Variants in SPCS3 observed in about 807,000 individuals in gnomAD.
The protein encoded by SPCS3 is SPase 22 kDa subunit.
Under a neutral mutation model 17.2 loss-of-function variants are expected in SPCS3, and 9 were observed. The ratio of observed to expected loss-of-function variants is 0.52; its 90% CI spans 0.31 to 0.91. The LOEUF (loss-of-function observed/expected upper bound fraction) is 0.91, where lower values mean the gene tolerates loss of function less well. SPCS3 is among the 40% of genes least tolerant of loss of function. SPCS3 has a pLI of 0.04. For missense variants in SPCS3, 139 were observed against 217.5 expected, an observed-to-expected ratio of 0.64 and a Z score of 2.27; for synonymous variants, 87 against 89.6, an observed-to-expected ratio of 0.97 and a Z score of 0.16.
intron 3 of SPCS3, among the ~76,000 whole-genome samples, 168 bp downstream of exon 3, chr4:176,324,425 T>C (rs1289980362): frequency 1.3e-5 from 2 of 151,312 alleles, no homozygotes; most frequent in Admixed American, 1.3e-4. Context: ...TTTGGGAGCC[T>C]TTTTGTTGTT....
chr4:176,327,008 C>T (rs1383524086), intron 3 of SPCS3, 154 bp from the exon 4 acceptor site: 3 of 483,506 alleles, frequency 6.2e-6, no homozygotes, highest in African/African-American at 6.2e-5. Flanking sequence ...TTGTATCTCT[C>T]TCTTTGCTAT....
rs541874005 is a variant in SPCS3, at chr4:176,331,652, G to C, written c.*3322G>C. 1.3e-5 allele frequency: 2 copies of C among 152,102 alleles called. No individual in the cohort carries two copies. Among genetic ancestry groups the C allele is most frequent in the Non-Finnish European group, 2.9e-5 (2 of 68,044 alleles). The allele number at this position is 152,102 out of a possible 1,614,324, so 9.4% of individuals were successfully genotyped here. ...CGCCCAGGCTAGAGTGAAGTGGCGCGATCTTGGCTTACTGCAACCTCCACC... is the reference window on the plus strand; with the variant it reads ...CGCCCAGGCTAGAGTGAAGTGGCGCCATCTTGGCTTACTGCAACCTCCACC... On this transcript the variant is annotated 3_prime_UTR_variant, in exon 5 of 5. Transcript: ENST00000503362.
At chr4:176,323,925 T>A (rs1731570477) in intron 2 of SPCS3, among the ~76,000 whole-genome samples, 1 of 151,948 alleles carries the variant, frequency 6.6e-6, no homozygotes. Context: ...TCAAAGTATC[T>A]CAGCTAGTAA....
intron 1 of SPCS3, 80 bp from the exon 2 acceptor site, chr4:176,322,090 G>A (rs1046768463): frequency 1.1e-6 from 1 of 901,324 alleles, no homozygotes; most frequent in Non-Finnish European, 1.8e-6. Context: ...GCACACACCT[G>A]TATTCTTTCT....
chr4:176,331,281 A>G lies in SPCS3; in HGVS notation c.*2951A>G, dbSNP rs1731682848. On this transcript the variant is annotated 3_prime_UTR_variant, in exon 5 of 5. Coordinates refer to ENST00000503362, the MANE Select transcript of SPCS3 (RefSeq NM_021928.4). ...CTAGAGCTTTGGATCTTTCGGGTATATGTCAATGGAGGTATTATTTTATAA... is the reference window on the plus strand; with the variant it reads ...CTAGAGCTTTGGATCTTTCGGGTATGTGTCAATGGAGGTATTATTTTATAA... The G allele has an allele frequency of 6.6e-6, 1 of 152,140 alleles. No individual in the cohort carries two copies. The allele number at this position is 152,140 out of a possible 1,614,324, so 9.4% of individuals were successfully genotyped here.
chr4:176,320,069 C>T lies in SPCS3; in HGVS notation c.-8C>T. 2 of 1,543,532 alleles carry T rather than the reference C, an allele frequency of 1.3e-6. No individual in the cohort carries two copies. The highest frequency in any genetic ancestry group is 1.7e-6 in the Non-Finnish European group (2 of 1,143,124). On this transcript the variant is annotated 5_prime_UTR_variant, in exon 1 of 5. In the 5' UTR this introduces an upstream ATG that the reference lacks. Coordinates refer to ENST00000503362, the MANE Select transcript of SPCS3 (RefSeq NM_021928.4). ...GTGTGGAGTCCGGACTCGTGGGAGA[C>T]GATCGCGATGAACACGGTGCTGTCG...
chr4:176,329,597 C>G lies in SPCS3; in HGVS notation c.*1267C>G, dbSNP rs890392239. The G allele has an allele frequency of 2.6e-5, 4 of 152,204 alleles. No homozygotes were observed. The highest frequency in any genetic ancestry group is 9.6e-5 in the African/African-American group (4 of 41,548). The allele number at this position is 152,204 out of a possible 1,614,324, so 9.4% of individuals were successfully genotyped here. On this transcript the variant is annotated 3_prime_UTR_variant, in exon 5 of 5. Transcript: ENST00000503362. ...TTATTCTCTGAATAAATTCATTTCA[C>G]TTATATTAAAAGCATAAGGAAATCT...
Position 176,328,865 on chromosome 4 carries a change from T to C in SPCS3, c.*535T>C, listed in dbSNP as rs1731645334. ...AAAAGCCAAAAGTGATGGAATTTATTCCATTTGTCTTAGGAAGGCCCATAA... is the reference window on the plus strand; with the variant it reads ...AAAAGCCAAAAGTGATGGAATTTATCCCATTTGTCTTAGGAAGGCCCATAA... On this transcript the variant is annotated 3_prime_UTR_variant, in exon 5 of 5. Coordinates refer to ENST00000503362, the MANE Select transcript of SPCS3 (RefSeq NM_021928.4). 6.6e-6 allele frequency: 1 copy of C among 152,202 alleles called. No individual in the cohort carries two copies. The highest frequency in any genetic ancestry group is 1.5e-5 in the Non-Finnish European group (1 of 68,010). The allele number at this position is 152,202 out of a possible 1,614,324, so 9.4% of individuals were successfully genotyped here.
rs1037992023 is a variant in SPCS3, at chr4:176,328,443, T to TTG, written c.*114_*115insGT. ...TTTGTTTTTTGGTTTTGGGTTTTTTTTTTTTTTTTTTTGGTATAAGAACTA... is the reference window on the plus strand; with the variant it reads ...TTTGTTTTTTGGTTTTGGGTTTTTTTTGTTTTTTTTTTTTGGTATAAGAACTA... On this transcript the variant is annotated 3_prime_UTR_variant, in exon 5 of 5. Transcript: ENST00000503362. 4.5e-5 allele frequency: 28 copies of TTG among 622,064 alleles called. No individual in the cohort carries two copies. The African/African-American group carries it at 5.4e-4, about 12-fold the overall frequency. The allele number at this position is 622,064 out of a possible 1,614,324, so 38.5% of individuals were successfully genotyped here. A position where few individuals can be genotyped will look rare whatever the true frequency, so the allele number is the denominator to read the frequency against.
At position 176,328,932 on chromosome 4, in the gene SPCS3, A is replaced by G. The variant is rs1342728923; in HGVS notation, c.*602A>G. 6.6e-6 allele frequency: 1 copy of G among 152,194 alleles called. No homozygotes were observed. Among genetic ancestry groups the G allele is most frequent in the African/African-American group, 2.4e-5 (1 of 41,458 alleles). 9.4% of individuals were successfully genotyped at this position (152,194 alleles called of 1,614,324 possible). On this transcript the variant is annotated 3_prime_UTR_variant, in exon 5 of 5. Transcript: ENST00000503362. Reference sequence around the variant, plus strand: ...ATGTGACTAGCAACTTTCTCCACTTAAAGACTAAATACCTCTTTATATGAT... The same window carrying G: ...ATGTGACTAGCAACTTTCTCCACTTGAAGACTAAATACCTCTTTATATGAT...
At chr4:176,322,720 CTTT>C (rs1402316201) in intron 2 of SPCS3, among the ~76,000 whole-genome samples, 1 of 151,980 alleles carries the variant, frequency 6.6e-6, no homozygotes, top group Admixed American at 6.6e-5. Context: ...CCTGTGGTTG[CTTT>C]TTGCCGTCAT....
At chr4:176,327,116 A>T in intron 3 of SPCS3, 46 bp from the exon 4 acceptor site, 1 of 1,103,584 alleles carries the variant, frequency 9.1e-7, no homozygotes, top group Non-Finnish European at 1.3e-6. Flanking sequence ...AAGTGATAAG[A>T]TGGTATTTCT....
rs140117482 is a variant in SPCS3 at position 176,330,885 on chromosome 4, T to A, written c.*2555T>A. The A allele has an allele frequency of 6.2e-4, 94 of 152,346 alleles. No homozygotes were observed. The highest frequency in any genetic ancestry group is 2.0e-3 in the African/African-American group (84 of 41,590). The allele number at this position is 152,346 out of a possible 1,614,324, so 9.4% of individuals were successfully genotyped here. On this transcript the variant is annotated 3_prime_UTR_variant, in exon 5 of 5. Coordinates refer to ENST00000503362, the MANE Select transcript of SPCS3 (RefSeq NM_021928.4). Reference sequence around the variant, plus strand: ...ATTTAAAAATGTGTTCACATATCCCTTTCTCTAACAGTTTAACCTAGACAA... The same window carrying A: ...ATTTAAAAATGTGTTCACATATCCCATTCTCTAACAGTTTAACCTAGACAA...
In SPCS3 at chr4:176,320,361, G is replaced by C. The variant is rs749144298; in HGVS notation, c.143+142G>C. The stretch of plus-strand genomic sequence containing the variant: ...CCCTCCTGAGCGGCAGTTCGCCCCC[G>C]AGGGCGGTCGTCAGGGGTGGACGTC... On this transcript the variant is annotated intron_variant, in intron 1 of 4. Transcript: ENST00000503362. The C allele has an allele frequency of 9.3e-6, 7 of 748,956 alleles. No individual in the cohort carries two copies. In the Admixed American group the frequency reaches 3.3e-4, roughly 36 times the overall value. 46.4% of individuals were successfully genotyped at this position (748,956 alleles called of 1,614,324 possible). A position where few individuals can be genotyped will look rare whatever the true frequency, so the allele number is the denominator to read the frequency against.
In SPCS3 at chr4:176,330,212, ACTTT is replaced by A. The variant is rs1731665864; in HGVS notation, c.*1883_*1886del. 6.6e-6 allele frequency: 1 copy of A among 152,238 alleles called. No homozygotes were observed. The highest frequency in any genetic ancestry group is 2.4e-5 in the African/African-American group (1 of 41,472). The allele number at this position is 152,238 out of a possible 1,614,324, so 9.4% of individuals were successfully genotyped here. A position where few individuals can be genotyped will look rare whatever the true frequency, so the allele number is the denominator to read the frequency against. On this transcript the variant is annotated 3_prime_UTR_variant, in exon 5 of 5. Coordinates refer to ENST00000503362, the MANE Select transcript of SPCS3 (RefSeq NM_021928.4). ...TCTAACACATAACTCATATTGATTT[ACTTT>A]ATTTCTGTTAGATTTTACACTCTGA...
intron 1 of SPCS3, chr4:176,320,607 C>G (rs1479540364): frequency 6.5e-6 from 1 of 154,414 alleles, no homozygotes; most frequent in African/African-American, 2.4e-5. Flanking sequence ...TCCGGTGCCG[C>G]TCGTGGTCCG....
intron 3 of SPCS3, among the ~76,000 whole-genome samples, chr4:176,325,783 G>A (rs1387973706): frequency 1.3e-5 from 2 of 151,742 alleles, no homozygotes; most frequent in Non-Finnish European, 2.9e-5. Flanking sequence ...TACTCTTGTT[G>A]TCCAGGCTGG....
chr4:176,324,157 T>A, intron 2 of SPCS3, 24 bp from the exon 3 acceptor site: 1 of 1,071,796 alleles, frequency 9.3e-7, no homozygotes, highest in Non-Finnish European at 1.3e-6. Context: ...GCTCATAAAT[T>A]TATATTTTCC....
chr4:176,325,561 T>TAAA (rs71597446), intron 3 of SPCS3, among the ~76,000 whole-genome samples: 11 of 137,318 alleles, frequency 8.0e-5, no homozygotes, highest in Non-Finnish European at 7.9e-5. Context: ...TACCTTTCTT[T>TAAA]AAAAAAAAAA....
Sources: allele counts gnomAD v4.1 joint callset (sites outside exome capture counted in the v4.1 genomes callset), GRCh38; gene constraint gnomAD v4.1.1; transcripts MANE v1.5; gene names NCBI Gene and HGNC (gene_info 2026-07-23, HGNC 2026-07-21).